Variants in ATP8A2 observed in about 807,000 individuals in gnomAD.
ATP8A2 encodes the protein ATPase phospholipid transporting 8A2.
Under a neutral mutation model 165.6 loss-of-function variants are expected in ATP8A2, and 100 were observed. That is an observed-to-expected ratio of 0.60 (90% CI 0.51 to 0.71). ATP8A2 has a LOEUF of 0.71. Among genes scored for constraint, ATP8A2 ranks in the 30% least tolerant of loss-of-function variants. The pLI is 0.00. For missense variants in ATP8A2, 1,227 were observed against 1,479.5 expected, an observed-to-expected ratio of 0.83 and a Z score of 2.80; for synonymous variants, 543 against 548.8, an observed-to-expected ratio of 0.99 and a Z score of 0.15.
chr13:25,507,429 C>A (rs995442653), intron 2 of ATP8A2, among the ~76,000 whole-genome samples: 3 of 152,014 alleles, frequency 2.0e-5, no homozygotes, highest in Non-Finnish European at 2.9e-5. Context: ...CCATGCCTGG[C>A]TAATTTTTGT....
At chr13:25,465,135 T>A (rs1220188526) in intron 1 of ATP8A2, among the ~76,000 whole-genome samples, 2 of 152,262 alleles carry the variant, frequency 1.3e-5, no homozygotes, top group African/African-American at 4.8e-5. Flanking sequence ...TGGTAGTATT[T>A]GCAAAATGCA....
At chr13:25,404,907 C>T (rs1400428778) in intron 1 of ATP8A2, among the ~76,000 whole-genome samples, 6 of 151,986 alleles carry the variant, frequency 3.9e-5, no homozygotes. Context: ...GTGCCCTGAC[C>T]AGAATTCGGT....
chr13:25,398,372 A>G (rs1276970405), intron 1 of ATP8A2, among the ~76,000 whole-genome samples: 2 of 152,220 alleles, frequency 1.3e-5, no homozygotes, highest in African/African-American at 2.4e-5. Flanking sequence ...GAGAGAATGT[A>G]TAATGAGGTA....
chr13:25,587,422 T>TC (rs956724387), intron 23 of ATP8A2, among the ~76,000 whole-genome samples: 1 of 151,754 alleles, frequency 6.6e-6, no homozygotes, highest in African/African-American at 2.4e-5. Flanking sequence ...TTTTTCTCTC[T>TC]CCCCCTGCCA....
intron 1 of ATP8A2, among the ~76,000 whole-genome samples, chr13:25,394,574 C>T (rs960871310): frequency 1.5e-4 from 23 of 152,036 alleles, no homozygotes; most frequent in African/African-American, 5.1e-4. Context: ...AATTGCTGGC[C>T]GGATTGATGA....
At chr13:25,810,770 C>A (rs1026154550) in intron 27 of ATP8A2, among the ~76,000 whole-genome samples, 1 of 152,022 alleles carries the variant, frequency 6.6e-6, no homozygotes, top group Admixed American at 6.6e-5. Context: ...AGAGAGGGAG[C>A]GAGCAGAGGG....
At chr13:25,884,293 G>C (rs1010564836) in intron 33 of ATP8A2, among the ~76,000 whole-genome samples, 1 of 152,136 alleles carries the variant, frequency 6.6e-6, no homozygotes, top group Admixed American at 6.6e-5. Flanking sequence ...TCAGTCCTTG[G>C]GGATTGGGGA....
intron 33 of ATP8A2, among the ~76,000 whole-genome samples, chr13:25,872,727 A>G (rs1406167165): frequency 1.3e-5 from 2 of 152,222 alleles, no homozygotes; most frequent in Non-Finnish European, 2.9e-5. Flanking sequence ...GTGCTGTCCA[A>G]TAGAAATATA....
At chr13:25,580,051 T>C in intron 22 of ATP8A2, 104 bp downstream of exon 22, 1 of 1,318,048 alleles carries the variant, frequency 7.6e-7, no homozygotes, top group East Asian at 2.4e-5. Context: ...GATGTTCTCT[T>C]TTCTTGTGTC....
In ATP8A2 at chr13:25,445,897, G is replaced by A. The variant is rs183258100; in HGVS notation, c.77-23080G>A. 3.3e-3 allele frequency among the ~76,000 whole-genome samples: 495 copies of A among 152,290 alleles called. 4 individuals are homozygous for A. Among genetic ancestry groups the A allele is most frequent in the African/African-American group, 0.011 (473 of 41,546 alleles). Reference sequence around the variant, plus strand: ...ACAGGCAGTGATGAGGAGCTTGAAGGCTGACCTCCTTCCCAGCGCTACTAC... The same window carrying A: ...ACAGGCAGTGATGAGGAGCTTGAAGACTGACCTCCTTCCCAGCGCTACTAC... On this transcript the variant is annotated intron_variant, in intron 1 of 36. Coordinates refer to ENST00000381655, the MANE Select transcript of ATP8A2 (RefSeq NM_016529.6).
chr13:25,901,080 G>GA lies in ATP8A2; in HGVS notation c.3183+38673dup, dbSNP rs1200922245. On this transcript the variant is annotated intron_variant, in intron 33 of 36. Transcript: ENST00000381655. The stretch of plus-strand genomic sequence containing the variant: ...CTGCATTGCTCTAGCAAGGAAGGAG[G>GA]AGCAGGGAGCTGAAGGGAGACAGGT... Among the ~76,000 whole-genome samples the GA allele has an allele frequency of 2.0e-5, 3 of 152,210 alleles. No individual in the cohort carries two copies. The South Asian group carries it at 6.2e-4, about 32-fold the overall frequency.
At chr13:25,783,220 C>A (rs1280335231) in intron 27 of ATP8A2, among the ~76,000 whole-genome samples, 1 of 152,104 alleles carries the variant, frequency 6.6e-6, no homozygotes, top group Non-Finnish European at 1.5e-5. Context: ...TGGTGCCAAC[C>A]CCATCCCAAG....
At chr13:25,977,026 T>TCCCCCCCCACCCCCCCCC (rs1566319946) in intron 35 of ATP8A2, among the ~76,000 whole-genome samples, 1 of 125,368 alleles carries the variant, frequency 8.0e-6, no homozygotes, top group Non-Finnish European at 1.6e-5. Context: ...GACCTTGTGA[T>TCCCCCCCCACCCCCCCCC]CCACCCCCAC....
At chr13:25,650,508 T>A (rs1049093240) in intron 24 of ATP8A2, among the ~76,000 whole-genome samples, 1 of 152,184 alleles carries the variant, frequency 6.6e-6, no homozygotes, top group Non-Finnish European at 1.5e-5. Context: ...GTTTTTATGG[T>A]CTATTTCTTT....
chr13:25,382,795 G>T (rs926802660), intron 1 of ATP8A2, among the ~76,000 whole-genome samples: 13 of 149,028 alleles, frequency 8.7e-5, no homozygotes, highest in African/African-American at 2.7e-4. Flanking sequence ...TCGCTGTGTC[G>T]CCCAGGCTGG....
intron 18 of ATP8A2, among the ~76,000 whole-genome samples, chr13:25,572,289 C>T (rs2039489928): frequency 6.6e-6 from 1 of 152,208 alleles, no homozygotes; most frequent in South Asian, 2.1e-4. Context: ...CAGGCACGTG[C>T]CACCACGCCT....
intron 27 of ATP8A2, among the ~76,000 whole-genome samples, chr13:25,808,862 CAG>C (rs1950800356): frequency 6.6e-6 from 1 of 152,050 alleles, no homozygotes. Flanking sequence ...ACTTTATAAA[CAG>C]AGATTACTTG....
chr13:25,801,286 C>T (rs907848459), intron 27 of ATP8A2, among the ~76,000 whole-genome samples: 15 of 152,152 alleles, frequency 9.9e-5, no homozygotes, highest in Non-Finnish European at 2.9e-5. Context: ...GTCTTATGGG[C>T]TGTCTAGACT....
chr13:25,698,682 A>C (rs1184669667), intron 24 of ATP8A2, among the ~76,000 whole-genome samples: 3 of 152,176 alleles, frequency 2.0e-5, no homozygotes, highest in Non-Finnish European at 4.4e-5. Flanking sequence ...ACATGGGAAA[A>C]ATGATCAGCT....
Sources: allele counts gnomAD v4.1 joint callset (sites outside exome capture counted in the v4.1 genomes callset), GRCh38; gene constraint gnomAD v4.1.1; transcripts MANE v1.5; gene names NCBI Gene and HGNC (gene_info 2026-07-23, HGNC 2026-07-21).